Variants in RBFOX1 observed in about 807,000 individuals in gnomAD.
RBFOX1 encodes RNA binding fox-1 homolog 1.
In RBFOX1, 8 loss-of-function variants were observed where a neutral mutation model predicts 57.7. That is an observed-to-expected ratio of 0.14 (90% CI 0.08 to 0.25). The LOEUF is 0.25. Among genes scored for constraint, RBFOX1 ranks in the 10% least tolerant of loss-of-function variants. RBFOX1 has a pLI of 1.00. For synonymous variants in RBFOX1, 326 were observed against 222.4 expected, an observed-to-expected ratio of 1.47 and a Z score of -4.15; for missense variants, 611 against 548.5, an observed-to-expected ratio of 1.11 and a Z score of -1.14.
At chr16:7,616,924 G>A (rs2058542947) in intron 10 of RBFOX1, among the ~76,000 whole-genome samples, 2 of 151,848 alleles carry the variant, frequency 1.3e-5, no homozygotes, top group South Asian at 4.1e-4. Flanking sequence ...ACAAGCTGTT[G>A]TGGAAAATGT....
intron 4 of RBFOX1, among the ~76,000 whole-genome samples, chr16:7,265,724 T>C (rs1288275647): frequency 6.6e-6 from 1 of 152,114 alleles, no homozygotes; most frequent in Non-Finnish European, 1.5e-5. Flanking sequence ...GCTGGGATTA[T>C]AGGCGTGAGC....
chr16:6,805,424 A>T (rs190267537), intron 3 of RBFOX1, among the ~76,000 whole-genome samples: 2 of 152,280 alleles, frequency 1.3e-5, no homozygotes. Flanking sequence ...AGAGCAGAAA[A>T]AAATAACTTG....
Position 5,628,618 on chromosome 16 carries a change from C to T in RBFOX1, c.318+29657C>T, listed in dbSNP as rs76920545. Among the ~76,000 whole-genome samples, 910 of 152,224 alleles carry T rather than the reference C, an allele frequency of 6.0e-3. 8 individuals are homozygous for T. The highest frequency in any genetic ancestry group is 0.021 in the African/African-American group (858 of 41,534). ...GCTCTGTCTTCATCTGCAATAAGAG[C>T]GAAGATACCCCAAGAACCCACAGCT... On this transcript the variant is annotated intron_variant, in intron 3 of 19. Coordinates refer to the RBFOX1 transcript ENST00000641259.
At chr16:7,458,400 T>C (rs1332267583) in intron 4 of RBFOX1, among the ~76,000 whole-genome samples, 2 of 152,044 alleles carry the variant, frequency 1.3e-5, no homozygotes, top group Non-Finnish European at 2.9e-5. Context: ...TCCTCAAATC[T>C]CTCCTTGTTC....
intron 2 of RBFOX1, chr16:6,483,548 C>G: frequency 6.5e-7 from 1 of 1,534,922 alleles, no homozygotes; most frequent in Non-Finnish European, 8.7e-7. Context: ...CCTTCAGGTA[C>G]GGCGAGCGAA....
At chr16:6,443,660 G>C (rs1198224629) in intron 2 of RBFOX1, among the ~76,000 whole-genome samples, 1 of 152,178 alleles carries the variant, frequency 6.6e-6, no homozygotes, top group Non-Finnish European at 1.5e-5. Context: ...ATTTTAATCA[G>C]TGATTTATAA....
In RBFOX1 at chr16:6,724,390, A is replaced by T. The variant is rs538080618; in HGVS notation, c.-16+69740A>T. Among the ~76,000 whole-genome samples the T allele has an allele frequency of 2.0e-5, 3 of 152,072 alleles. No homozygotes were observed. In the South Asian group the frequency reaches 6.2e-4, roughly 32 times the overall value. ...ATGCCCAGCAAATTTTTATATTTTT[A>T]GTAGAGACAGGTTTCACCATGTTGC... On this transcript the variant is annotated intron_variant, in intron 3 of 15. Transcript: ENST00000550418.
intron 3 of RBFOX1, among the ~76,000 whole-genome samples, chr16:6,880,616 G>T (rs547147392): frequency 1.3e-4 from 20 of 152,184 alleles, no homozygotes; most frequent in Admixed American, 4.6e-4. Flanking sequence ...TGAACTGGAA[G>T]AGGCAGGGTG....
chr16:7,271,359 C>G (rs555862215), intron 4 of RBFOX1, among the ~76,000 whole-genome samples: 2 of 151,840 alleles, frequency 1.3e-5, no homozygotes, highest in South Asian at 4.2e-4. Context: ...TTGGGGGGAG[C>G]TCGTATCAAA....
chr16:7,385,670 C>T (rs909836812), intron 4 of RBFOX1, among the ~76,000 whole-genome samples: 7 of 152,092 alleles, frequency 4.6e-5, no homozygotes, highest in Admixed American at 3.3e-4. Flanking sequence ...GATTTCTACA[C>T]AGGGATGCAA....
intron 3 of RBFOX1, among the ~76,000 whole-genome samples, chr16:6,921,955 C>A (rs2074551427): frequency 6.6e-6 from 1 of 152,242 alleles, no homozygotes; most frequent in East Asian, 1.9e-4. Context: ...CTGCACACCA[C>A]TGAAATATTG....
chr16:7,532,531 G>A (rs2152389251), intron 5 of RBFOX1, among the ~76,000 whole-genome samples: 1 of 152,326 alleles, frequency 6.6e-6, no homozygotes, highest in African/African-American at 2.4e-5. Flanking sequence ...CTGGAATACA[G>A]GGCGTTGGCC....
intron 3 of RBFOX1, among the ~76,000 whole-genome samples, chr16:6,847,299 G>A (rs2093807997): frequency 6.6e-6 from 1 of 152,096 alleles, no homozygotes; most frequent in Admixed American, 6.5e-5. Flanking sequence ...GTGCTCATTT[G>A]GACAGCTCTG....
intron 10 of RBFOX1, among the ~76,000 whole-genome samples, chr16:7,613,198 G>A (rs1034163414): frequency 3.3e-5 from 5 of 152,118 alleles, no homozygotes; most frequent in African/African-American, 1.2e-4. Context: ...GTGGAATTTG[G>A]GGGGAATAAA....
At chr16:5,919,765 G>T (rs2058780628) in intron 4 of RBFOX1, among the ~76,000 whole-genome samples, 2 of 152,158 alleles carry the variant, frequency 1.3e-5, no homozygotes, top group African/African-American at 4.8e-5. Context: ...CCCGTTAGGA[G>T]TGACTCTGCA....
At chr16:6,871,193 T>C (rs186373311) in intron 3 of RBFOX1, among the ~76,000 whole-genome samples, 115 of 152,302 alleles carry the variant, frequency 7.6e-4, no homozygotes, top group African/African-American at 2.7e-3. Context: ...AAATCACCCC[T>C]GCTTTTTTTG....
intron 4 of RBFOX1, among the ~76,000 whole-genome samples, chr16:7,479,391 A>T (rs562396825): frequency 3.9e-5 from 6 of 152,012 alleles, no homozygotes; most frequent in African/African-American, 1.4e-4. Context: ...TGGCCTCCCA[A>T]AGTGCTGGGA....
intron 2 of RBFOX1, among the ~76,000 whole-genome samples, chr16:5,558,656 A>T (rs1215047493): frequency 6.6e-6 from 1 of 152,106 alleles, no homozygotes; most frequent in Non-Finnish European, 1.5e-5. Flanking sequence ...AGCAAGCTCC[A>T]TGGCTCTGTT....
At chr16:6,990,015 A>G (rs1024386147) in intron 3 of RBFOX1, among the ~76,000 whole-genome samples, 2 of 152,158 alleles carry the variant, frequency 1.3e-5, no homozygotes, top group Non-Finnish European at 2.9e-5. Context: ...CAAAAAACTG[A>G]GAAAATGTCT....
Sources: allele counts gnomAD v4.1 joint callset (sites outside exome capture counted in the v4.1 genomes callset), GRCh38; gene constraint gnomAD v4.1.1; transcripts MANE v1.5; gene names NCBI Gene and HGNC (gene_info 2026-07-23, HGNC 2026-07-21).